BCOR: variants seen among roughly 807,000 people sequenced by gnomAD.
BCOR encodes the protein BCL6 corepressor.
A neutral mutation model predicts 86.7 loss-of-function variants in BCOR; 10 were observed. The ratio of observed to expected loss-of-function variants is 0.12; its 90% CI spans 0.07 to 0.20. The LOEUF is 0.20. BCOR is among the 10% of genes least tolerant of loss of function. The pLI, the probability that BCOR is intolerant of heterozygous loss-of-function variation, is 1.00. For synonymous variants in BCOR, 611 were observed against 609.0 expected (o/e 1.00, Z -0.05); for missense variants, 1,259 against 1,452.1 (o/e 0.87, Z 2.16).
intron 1 of BCOR, 95 bp from the exon 2 acceptor site, chrX:40,078,064 G>A (rs1935900261): frequency 3.7e-6 from 2 of 543,218 alleles, no homozygotes; most frequent in Non-Finnish European, 6.4e-6. Context: ...ATTCATAAAG[G>A]ATGCAGATGG....
chrX:40,062,084 T>C (rs2146993468), intron 10 of BCOR, 55 bp downstream of exon 10: 1 of 1,161,481 alleles, frequency 8.6e-7, no homozygotes, highest in Non-Finnish European at 1.2e-6. Context: ...CCCACCACAG[T>C]CCGCAGGCCC....
rs200920091 is a variant in BCOR at position 40,073,878 on chromosome X, G to A, written c.1468C>T (p.Pro490Ser). 7 of 1,211,153 alleles carry A rather than the reference G, an allele frequency of 5.8e-6. No individual in the cohort carries two copies. In the East Asian group the frequency reaches 1.8e-4, roughly 31 times the overall value. ...SEIPKETLSP[P>S]GNGCAIYRSE... ...CTATAGATAGCACAACCATTTCCTG[G>A]AGGAGATAGTGTTTCTTTCGGAATC... Residue 490 changes from proline to serine, a missense_variant, in exon 4 of 15, where the codon CCA becomes TCA. This residue lies in a region of BCOR where 534 missense variants were observed against 594.8 expected (regional missense o/e 0.90). Transcript: ENST00000378444.
At chrX:40,145,002 A>G (rs1938009079) in intron 1 of BCOR, among the ~76,000 whole-genome samples, 1 of 62,071 alleles carries the variant, frequency 1.6e-5, no homozygotes, top group Admixed American at 2.4e-4. Context: ...GCCCCTTTTA[A>G]TCTGTTTCAT....
intron 10 of BCOR, among the ~76,000 whole-genome samples, chrX:40,059,775 C>T (rs1934778215): frequency 8.9e-6 from 1 of 112,852 alleles, no homozygotes. Flanking sequence ...GCCATAAACC[C>T]GACATTGTTA....
intron 10 of BCOR, 67 bp downstream of exon 10, chrX:40,062,072 C>G (rs1026118680): frequency 8.7e-6 from 10 of 1,148,120 alleles, no homozygotes; most frequent in South Asian, 5.7e-5. Flanking sequence ...TCCCTCCCCT[C>G]GCCCACCACA....
intron 1 of BCOR, among the ~76,000 whole-genome samples, chrX:40,123,829 G>A (rs968023840): frequency 9.1e-6 from 1 of 109,855 alleles, no homozygotes. Context: ...GTGCACGCGC[G>A]CACGCATAAG....
upstream of BCOR, among the ~76,000 whole-genome samples, chrX:40,099,358 C>T (rs1449358011): frequency 9.0e-6 from 1 of 111,395 alleles, no homozygotes; most frequent in African/African-American, 3.3e-5. Context: ...GGGGGTATTC[C>T]GGACTAACCG....
At chrX:40,161,050 G>A (rs1164036850) in intron 1 of BCOR, among the ~76,000 whole-genome samples, 1 of 104,796 alleles carries the variant, frequency 9.5e-6, no homozygotes, top group East Asian at 3.0e-4. Flanking sequence ...TGCCCAGGTC[G>A]AAGTGCAGTG....
At chrX:40,169,411 TTGTCG>T (rs1938572231) in intron 1 of BCOR, among the ~76,000 whole-genome samples, 1 of 112,141 alleles carries the variant, frequency 8.9e-6, no homozygotes, top group Non-Finnish European at 1.9e-5. Context: ...TAACTGTTAA[TTGTCG>T]AAATCGGCCA....
chrX:40,076,362 T>TC, intron 3 of BCOR, 92 bp downstream of exon 3: 1 of 750,999 alleles, frequency 1.3e-6, no homozygotes, highest in South Asian at 2.2e-5. Flanking sequence ...CCTCCCCCAT[T>TC]CCCCACCCTT....
chrX:40,168,728 C>T (rs1312815897), intron 1 of BCOR, among the ~76,000 whole-genome samples: 1 of 113,310 alleles, frequency 8.8e-6, no homozygotes, highest in Non-Finnish European at 1.9e-5. Flanking sequence ...TCCTGGACCG[C>T]GAGCACGGAG....
Position 40,063,588 on chromosome X carries a change from A to G in BCOR, c.3847+20T>C, listed in dbSNP as rs777955136. On this transcript the variant is annotated intron_variant, in intron 8 of 14. Transcript: ENST00000378444. ...CCCTCCAGGAGCGGGGTGAACACTC[A>G]AGGGGTGGCCCCCGCATACCTTGTT... 2.5e-6 allele frequency: 3 copies of G among 1,182,515 alleles called. No individual in the cohort carries two copies. In the Admixed American group the frequency reaches 6.5e-5, roughly 26 times the overall value.
chrX:40,143,617 C>T (rs747935019), intron 1 of BCOR, among the ~76,000 whole-genome samples: 1 of 112,725 alleles, frequency 8.9e-6, no homozygotes, highest in East Asian at 2.8e-4. Flanking sequence ...GAGTAGGAAA[C>T]AAAAGCCAAA....
intron 1 of BCOR, among the ~76,000 whole-genome samples, chrX:40,084,951 G>A (rs1196847723): frequency 8.9e-6 from 1 of 111,740 alleles, no homozygotes; most frequent in Non-Finnish European, 1.9e-5. Flanking sequence ...GGAACAATAG[G>A]AATCCCATGT....
At chrX:40,112,542 A>T (rs751554430) in intron 1 of BCOR, among the ~76,000 whole-genome samples, 30 of 111,557 alleles carry the variant, frequency 2.7e-4, no homozygotes, top group Non-Finnish European at 4.9e-4. Flanking sequence ...CATTCCTAGA[A>T]AATGGTGGTG....
At chrX:40,176,148 C>T (rs911579423) in intron 1 of BCOR, among the ~76,000 whole-genome samples, 3 of 113,191 alleles carry the variant, frequency 2.7e-5, no homozygotes, top group African/African-American at 9.6e-5. Context: ...CCACCAATGT[C>T]TTCCAGGTGG....
At chrX:40,106,038 GC>G (rs776868851) in intron 1 of BCOR, among the ~76,000 whole-genome samples, 1 of 112,302 alleles carries the variant, frequency 8.9e-6, no homozygotes, top group Non-Finnish European at 1.9e-5. Flanking sequence ...TACTCCACCC[GC>G]CCCCCTCCAC....
intron 1 of BCOR, among the ~76,000 whole-genome samples, chrX:40,128,519 C>G (rs774826790): frequency 1.8e-5 from 2 of 111,936 alleles, no homozygotes; most frequent in South Asian, 7.5e-4. Context: ...GCACTCTAGC[C>G]TGGGCAACAG....
At chrX:40,085,643 C>A (rs1936324669) in intron 1 of BCOR, among the ~76,000 whole-genome samples, 1 of 111,789 alleles carries the variant, frequency 8.9e-6, no homozygotes, top group Non-Finnish European at 1.9e-5. Flanking sequence ...ATCCTGTAGG[C>A]TGTACACCCA....
Sources: gnomAD v4.1 joint callset for allele counts (sites outside exome capture counted in the v4.1 genomes callset) on GRCh38, gnomAD v4.1.1 for gene constraint, gnomAD v4.1.1 regional missense constraint, MANE v1.5 for transcripts, NCBI Gene and HGNC (gene_info 2026-07-23, HGNC 2026-07-21) for gene names.